Variants in CLPP observed in about 807,000 individuals in gnomAD.
The protein encoded by CLPP is ATP-dependent Clp protease proteolytic subunit, mitochondrial.
Under a neutral mutation model 27.4 loss-of-function variants are expected in CLPP, and 14 were observed. That is an observed-to-expected ratio of 0.51 (90% CI 0.34 to 0.80). CLPP has a LOEUF of 0.80. Among genes scored for constraint, CLPP ranks in the 30% least tolerant of loss-of-function variants. CLPP has a pLI of 0.02. For synonymous variants in CLPP, 193 were observed against 166.6 expected (o/e 1.16, Z -1.22); for missense variants, 361 against 403.6 (o/e 0.89, Z 0.90).
Position 6,363,397 on chromosome 19 carries a change from A to G in CLPP, c.367+855A>G, listed in dbSNP as rs151279719. On this transcript the variant is annotated intron_variant, in intron 3 of 5. Coordinates refer to ENST00000245816, the MANE Select transcript of CLPP (RefSeq NM_006012.4). Reference sequence around the variant, plus strand: ...CTCAGCCTCCCAAAGTGCTGGGATTACAGGCATGAGCCACCACGCCTGGCC... The same window carrying G: ...CTCAGCCTCCCAAAGTGCTGGGATTGCAGGCATGAGCCACCACGCCTGGCC... Among the ~76,000 whole-genome samples the G allele has an allele frequency of 4.4e-3, 665 of 152,162 alleles. 1 individual carries two copies. Among genetic ancestry groups the G allele is most frequent in the Middle Eastern group, 0.02 (6 of 294 alleles).
rs1245535565 is a variant in CLPP at position 6,364,956 on chromosome 19, C to G, written c.555+317C>G. On this transcript the variant is annotated intron_variant, in intron 4 of 5. Coordinates refer to ENST00000245816, the MANE Select transcript of CLPP (RefSeq NM_006012.4). ...AGCCAGGATGGTCTCGATCTCCTGA[C>G]CTCGTGATCCGCCCACATTGGCCTC... 5 of 248,722 alleles carry G rather than the reference C, an allele frequency of 2.0e-5. No individual in the cohort carries two copies. In the Admixed American group the frequency reaches 2.1e-4, roughly 10 times the overall value. The allele number at this position is 248,722 out of a possible 1,614,324, so 15.4% of individuals were successfully genotyped here. A position where few individuals can be genotyped will look rare whatever the true frequency, so the allele number is the denominator to read the frequency against.
chr19:6,366,661 C>T lies in CLPP; in HGVS notation c.661+298C>T, dbSNP rs146880194. On this transcript the variant is annotated intron_variant, in intron 5 of 5. Transcript: ENST00000245816. ...TTTTTGTTTGTTTGTTTTTTTGAGA[C>T]AAGGTCTGGCTCTGTCGCTCAGGCT... 2.6e-5 allele frequency among the ~76,000 whole-genome samples: 4 copies of T among 152,132 alleles called. No homozygotes were observed. In the East Asian group the frequency reaches 7.8e-4, roughly 30 times the overall value.
rs1289671004 is a variant in CLPP at position 6,368,926 on chromosome 19, C to T, written c.*216C>T. 4 of 579,228 alleles carry T rather than the reference C, an allele frequency of 6.9e-6. No individual in the cohort carries two copies. The highest frequency in any genetic ancestry group is 1.2e-5 in the Non-Finnish European group (4 of 324,944). The allele number at this position is 579,228 out of a possible 1,614,324, so 35.9% of individuals were successfully genotyped here. ...TTGCTCTGCGTCTGGGACACCCTCC[C>T]TTCTGCACCATGACAGCGTGTACAC... On this transcript the variant is annotated 3_prime_UTR_variant, in exon 6 of 6. Transcript: ENST00000245816.
chr19:6,362,405 C>T (rs2091840183), intron 2 of CLPP, 41 bp from the exon 3 acceptor site: 1 of 1,443,784 alleles, frequency 6.9e-7, no homozygotes, highest in South Asian at 1.1e-5. Context: ...ACTCTCTCCC[C>T]ACCCCGAATC....
At chr19:6,365,368 G>C (rs1013118428) in intron 4 of CLPP, among the ~76,000 whole-genome samples, 4 of 152,042 alleles carry the variant, frequency 2.6e-5, no homozygotes, top group African/African-American at 9.7e-5. Context: ...AATCCCAGCT[G>C]TTTTGGGAGG....
chr19:6,366,441 TGGCCC>T, intron 5 of CLPP, 78 bp downstream of exon 5: 1 of 1,131,320 alleles, frequency 8.8e-7, no homozygotes, highest in South Asian at 1.3e-5. Flanking sequence ...CTTCTCCACC[TGGCCC>T]CTGCGGACTT....
chr19:6,364,667 TG>T, intron 4 of CLPP, 28 bp downstream of exon 4: 1 of 1,595,232 alleles, frequency 6.3e-7, no homozygotes, highest in Non-Finnish European at 8.5e-7. Context: ...GAGCTGCTGT[TG>T]GGAATCAGGA....
rs764716642 is a variant in CLPP, at chr19:6,361,754, C to T, written c.180C>T (p.Pro60=). The change falls in exon 1 of 6, where the codon CCC becomes CCT. Residue 60 remains proline (P), a synonymous_variant. Coordinates refer to ENST00000245816, the MANE Select transcript of CLPP (RefSeq NM_006012.4). The part of the protein sequence containing the change: ...ATATRALPLI[P]IVVEQTGRGE... ...CGACCCGGGCTCTCCCGCTCATTCC[C>T]ATCGTGGTGGAGCAGACGGTACGGC... 10 of 1,534,520 alleles carry T rather than the reference C, an allele frequency of 6.5e-6. No homozygotes were observed. The highest frequency in any genetic ancestry group is 7.8e-6 in the Non-Finnish European group (9 of 1,146,512).
Position 6,361,699 on chromosome 19 carries a change from T to G in CLPP, c.125T>G (p.Leu42Arg). The change falls in exon 1 of 6, where the codon CTG (leucine) becomes CGG (arginine). Residue 42 changes from leucine to arginine, a missense_variant. Leu to Arg is a moderately radical substitution (Grantham distance 102). This residue lies in a region of CLPP where 148 missense variants were observed against 122.6 expected (regional missense o/e 1.21). Transcript: ENST00000245816. ...RPPQRTLQNG[L>R]ALQRCLHATA... ...CCGCAGCGGACACTCCAGAACGGCC[T>G]GGCCCTGCAGCGGTGCCTGCACGCG... The G allele has an allele frequency of 4.0e-6, 6 of 1,499,914 alleles. No homozygotes were observed. The highest frequency in any genetic ancestry group is 5.3e-6 in the Non-Finnish European group (6 of 1,127,298). The allele number at this position is 1,499,914 out of a possible 1,614,324, so 92.9% of individuals were successfully genotyped here.
chr19:6,367,720 A>AGTT (rs2091869442), intron 5 of CLPP, among the ~76,000 whole-genome samples: 2 of 130,432 alleles, frequency 1.5e-5, no homozygotes, highest in African/African-American at 8.6e-5. Context: ...CATCAATAAC[A>AGTT]ATTTTTTTTT....
At chr19:6,367,662 T>C (rs2091869244) in intron 5 of CLPP, among the ~76,000 whole-genome samples, 1 of 151,800 alleles carries the variant, frequency 6.6e-6, no homozygotes, top group South Asian at 2.1e-4. Flanking sequence ...TGAAAATCCA[T>C]CCCACCAGAC....
rs1250917763 is a variant in CLPP at position 6,361,574 on chromosome 19, G to A, written c.-1G>A. On this transcript the variant is annotated 5_prime_UTR_variant, in exon 1 of 6. Transcript: ENST00000245816. The stretch of plus-strand genomic sequence containing the variant: ...GGAAGCCGACCGGGGCGTGCGGAGG[G>A]ATGTGGCCCGGAATATTGGTAGGGG... 12 of 1,405,618 alleles carry A rather than the reference G, an allele frequency of 8.5e-6. No individual in the cohort carries two copies. Among genetic ancestry groups the A allele is most frequent in the Non-Finnish European group, 1.1e-5 (12 of 1,077,080 alleles). The allele number at this position is 1,405,618 out of a possible 1,614,324, so 87.1% of individuals were successfully genotyped here.
intron 3 of CLPP, 94 bp downstream of exon 3, chr19:6,362,636 T>C (rs1261780343): frequency 1.1e-6 from 1 of 877,560 alleles, no homozygotes; most frequent in Non-Finnish European, 1.9e-6. Context: ...GTTCTCTCTC[T>C]GGGAAAGGGT....
At chr19:6,364,683 G>A in intron 4 of CLPP, 44 bp downstream of exon 4, 1 of 1,559,848 alleles carries the variant, frequency 6.4e-7, no homozygotes, top group Non-Finnish European at 8.7e-7. Flanking sequence ...TCAGGACAGG[G>A]TCTAGACAGA....
chr19:6,367,594 G>T (rs1049067253), intron 5 of CLPP, among the ~76,000 whole-genome samples: 1 of 152,048 alleles, frequency 6.6e-6, no homozygotes, highest in Non-Finnish European at 1.5e-5. Flanking sequence ...GGTTTCAGGG[G>T]TGCTGGCATT....
At chr19:6,365,818 C>CAAA (rs112997901) in intron 4 of CLPP, among the ~76,000 whole-genome samples, 2 of 121,172 alleles carry the variant, frequency 1.7e-5, no homozygotes, top group Non-Finnish European at 3.6e-5. Context: ...GACCCTGTCT[C>CAAA]AAAAAAAAAA....
intron 2 of CLPP, 164 bp from the exon 3 acceptor site, chr19:6,362,282 C>T (rs1385882288): frequency 3.6e-5 from 22 of 613,192 alleles, no homozygotes. Flanking sequence ...CCTGGGTCCT[C>T]TCCACTACTC....
chr19:6,369,949 A>G lies in CLPP; in HGVS notation c.*1239A>G, dbSNP rs2091880057. Among the ~76,000 whole-genome samples, 1 of 152,214 alleles carries G rather than the reference A, an allele frequency of 6.6e-6. No homozygotes were observed. The highest frequency in any genetic ancestry group is 1.5e-5 in the Non-Finnish European group (1 of 68,042). On this transcript the variant is annotated 3_prime_UTR_variant, in exon 6 of 6. Transcript: ENST00000245816. ...GCACCATGAGCAGAAACTGGAGAGC[A>G]GTTAGGATAGTTGGAGTAATCTAGA...
At chr19:6,367,513 T>C (rs2091868637) in intron 5 of CLPP, among the ~76,000 whole-genome samples, 1 of 151,976 alleles carries the variant, frequency 6.6e-6, no homozygotes, top group Non-Finnish European at 1.5e-5. Context: ...ATTTATGCTG[T>C]TAGAGGAGTG....
Sources: allele counts gnomAD v4.1 joint callset (sites outside exome capture counted in the v4.1 genomes callset), GRCh38; gene constraint gnomAD v4.1.1; regional missense constraint gnomAD v4.1.1; transcripts MANE v1.5; gene names NCBI Gene and HGNC (gene_info 2026-07-23, HGNC 2026-07-21).